The following NOCT variants were observed in gnomAD, a reference collection of about 807,000 sequenced individuals.
NOCT encodes nocturnin, also known as CCR4 carbon catabolite repression 4-like.
NOCT carries 18 observed loss-of-function variants against 35.0 expected under a neutral mutation model. The observed-to-expected ratio is 0.51, with a 90% CI of 0.36 to 0.76. The LOEUF (loss-of-function observed/expected upper bound fraction) is 0.76. Among genes scored for constraint, NOCT ranks in the 30% least tolerant of loss-of-function variants. The pLI is 0.01. For synonymous variants in NOCT, 235 were observed against 226.3 expected (o/e 1.04, Z -0.34); for missense variants, 479 against 541.0 (o/e 0.89, Z 1.14).
intron 1 of NOCT, among the ~76,000 whole-genome samples, chr4:139,024,523 A>ATG (rs1424721619): frequency 3.9e-5 from 6 of 152,068 alleles, no homozygotes; most frequent in Admixed American, 6.5e-5. Flanking sequence ...ATATATCAAG[A>ATG]TGTGTGTGTG....
intron 1 of NOCT, among the ~76,000 whole-genome samples, chr4:139,027,868 TC>T (rs923781675): frequency 3.3e-5 from 5 of 151,982 alleles, no homozygotes; most frequent in Non-Finnish European, 5.9e-5. Context: ...TTCTTAAGGT[TC>T]CCCCCCTCCC....
intron 1 of NOCT, among the ~76,000 whole-genome samples, chr4:139,032,973 G>A (rs1038677503): frequency 6.6e-6 from 1 of 152,160 alleles, no homozygotes; most frequent in African/African-American, 2.4e-5. Context: ...GCTGAGGCAG[G>A]GGAATTGCTT....
At position 139,021,299 on chromosome 4, in the gene NOCT, C is replaced by T. The variant is rs111484023; in HGVS notation, c.190+5128C>T. Among the ~76,000 whole-genome samples, 1,020 of 152,076 alleles carry T rather than the reference C, an allele frequency of 6.7e-3. 16 individuals are homozygous for T. Among genetic ancestry groups the T allele is most frequent in the African/African-American group, 0.023 (967 of 41,520 alleles). On this transcript the variant is annotated intron_variant, in intron 1 of 2. Coordinates refer to ENST00000280614, the MANE Select transcript of NOCT (RefSeq NM_012118.4). ...ATTACAGGCATGAGCCATCACGCCC[C>T]GCCAAAAGCAGCTTTTAAGAAAGGG...
intron 1 of NOCT, among the ~76,000 whole-genome samples, chr4:139,041,140 C>G (rs896471735): frequency 1.3e-5 from 2 of 152,130 alleles, no homozygotes; most frequent in African/African-American, 4.8e-5. Context: ...TTGCTGTAGT[C>G]TAGCTTTCTT....
chr4:139,031,001 G>C (rs551714344), intron 1 of NOCT, among the ~76,000 whole-genome samples: 1 of 152,152 alleles, frequency 6.6e-6, no homozygotes, highest in African/African-American at 2.4e-5. Flanking sequence ...TTTTTGCCAG[G>C]CCACCGTTTC....
intron 1 of NOCT, among the ~76,000 whole-genome samples, chr4:139,041,987 C>T (rs1308344703): frequency 6.6e-6 from 1 of 151,876 alleles, no homozygotes; most frequent in African/African-American, 2.4e-5. Context: ...AGCAAGCAGC[C>T]TGCTATTACC....
chr4:139,039,845 A>G (rs1726803551), intron 1 of NOCT, among the ~76,000 whole-genome samples: 1 of 151,788 alleles, frequency 6.6e-6, no homozygotes. Flanking sequence ...CTCCTGCCTC[A>G]CCCTCGCGAG....
chr4:139,044,603 G>A, intron 2 of NOCT, 36 bp from the exon 3 acceptor site: 1 of 1,411,426 alleles, frequency 7.1e-7, no homozygotes, highest in Non-Finnish European at 9.9e-7. Flanking sequence ...TCACGGTTTT[G>A]TAAGAGCTGA....
chr4:139,024,056 T>TC (rs1446184664), intron 1 of NOCT, among the ~76,000 whole-genome samples: 2 of 151,032 alleles, frequency 1.3e-5, no homozygotes, highest in African/African-American at 4.9e-5. Context: ...TTTTTTTTTT[T>TC]TTTTTTTTTT....
At chr4:139,032,718 G>T (rs1560732059) in intron 1 of NOCT, among the ~76,000 whole-genome samples, 1 of 152,088 alleles carries the variant, frequency 6.6e-6, no homozygotes, top group Non-Finnish European at 1.5e-5. Context: ...TATTTGTGCT[G>T]TTTAGCCTTA....
chr4:139,040,292 G>T (rs1476902523), intron 1 of NOCT, among the ~76,000 whole-genome samples: 2 of 140,674 alleles, frequency 1.4e-5, no homozygotes, highest in African/African-American at 5.3e-5. Context: ...CGCCCGCCTC[G>T]GCCTCCCAAA....
chr4:139,017,437 A>G (rs1367474809), intron 1 of NOCT, among the ~76,000 whole-genome samples: 2 of 151,448 alleles, frequency 1.3e-5, no homozygotes, highest in Non-Finnish European at 2.9e-5. Context: ...CATGTTGGTC[A>G]GGCTGGCCTC....
At position 139,043,184 on chromosome 4, in the gene NOCT, C is replaced by T. The variant is rs142705556; in HGVS notation, c.301C>T (p.His101Tyr). The change falls in exon 2 of 3, where the codon CAT becomes TAT. Residue 101 changes from histidine to tyrosine, a missense_variant. By Grantham distance (83) the His-to-Tyr change is moderately conservative. This residue lies in a region of NOCT where 265 missense variants were observed against 257.0 expected (regional missense o/e 1.03). Coordinates refer to ENST00000280614, the MANE Select transcript of NOCT (RefSeq NM_012118.4). Reference protein sequence around the residue: ...PEYLVSPDPEHLEPIDPKELL... With the variant: ...PEYLVSPDPEYLEPIDPKELL... ...GTATTTGGTGTCACCTGACCCAGAG[C>T]ATCTGGAGCCCATTGATCCTAAAGA... 2.5e-6 allele frequency: 4 copies of T among 1,614,138 alleles called. No homozygotes were observed. In the Admixed American group the frequency reaches 5.0e-5, roughly 20 times the overall value.
intron 1 of NOCT, among the ~76,000 whole-genome samples, chr4:139,032,314 T>C (rs1250916992): frequency 6.6e-6 from 1 of 152,130 alleles, no homozygotes. Flanking sequence ...ATAAAGCTAT[T>C]TAATGTGCCT....
At chr4:139,018,906 G>A (rs1352233973) in intron 1 of NOCT, among the ~76,000 whole-genome samples, 4 of 152,162 alleles carry the variant, frequency 2.6e-5, no homozygotes, top group Non-Finnish European at 4.4e-5. Flanking sequence ...ACTATAAAGC[G>A]TTTTGTTTGG....
chr4:139,033,897 T>A (rs1468239281), intron 1 of NOCT, among the ~76,000 whole-genome samples: 1 of 152,068 alleles, frequency 6.6e-6, no homozygotes, highest in Admixed American at 6.6e-5. Flanking sequence ...TTTCTTTTTT[T>A]AATTACATCT....
chr4:139,044,133 T>TC lies in NOCT; in HGVS notation c.461-506_461-505insC, dbSNP rs897932242. ...GATTTTAAGAAAAACAAGGGCCTGA[T>TC]TTTTTTTTTTCCTGGAAAATAAGGG... On this transcript the variant is annotated intron_variant, in intron 2 of 2. Transcript: ENST00000280614. Among the ~76,000 whole-genome samples the TC allele has an allele frequency of 1.4e-4, 5 of 35,102 alleles. No individual in the cohort carries two copies. The South Asian group carries it at 3.9e-3, about 28-fold the overall frequency. The allele number at this position is 35,102 out of a possible 152,430, so 23.0% of individuals were successfully genotyped here. A position where few individuals can be genotyped will look rare whatever the true frequency, so the allele number is the denominator to read the frequency against.
At chr4:139,016,716 C>G (rs1726313821) in intron 1 of NOCT, among the ~76,000 whole-genome samples, 1 of 116,866 alleles carries the variant, frequency 8.6e-6, no homozygotes, top group Admixed American at 1.3e-4. Context: ...TCCAGTGGCA[C>G]GATATCGGCT....
In NOCT at chr4:139,043,116, T is replaced by C; in HGVS notation, c.233T>C (p.Leu78Pro). The part of the protein sequence containing the change: ...GTGTSRLYSA[L>P]AKTLNSSAAS... ...GGTACAAGCAGACTCTATAGTGCTC[T>C]CGCCAAGACACTGAACAGCAGCGCT... Residue 78 changes from leucine (L) to proline (P), a missense_variant, in exon 2 of 3, where the codon CTC (leucine) becomes CCC (proline). Coordinates refer to ENST00000280614, the MANE Select transcript of NOCT (RefSeq NM_012118.4). The C allele has an allele frequency of 6.2e-7, 1 of 1,613,578 alleles. No homozygotes were observed. Among genetic ancestry groups the C allele is most frequent in the Non-Finnish European group, 8.5e-7 (1 of 1,179,574 alleles).
Sources: gnomAD v4.1 joint callset for allele counts (sites outside exome capture counted in the v4.1 genomes callset) on GRCh38, gnomAD v4.1.1 for gene constraint, gnomAD v4.1.1 regional missense constraint, MANE v1.5 for transcripts, NCBI Gene and HGNC (gene_info 2026-07-23, HGNC 2026-07-21) for gene names.